POLDIP3: variants seen among roughly 807,000 people sequenced by gnomAD.
POLDIP3 encodes the protein DNA polymerase delta interacting protein 3.
Under a neutral mutation model 45.1 loss-of-function variants are expected in POLDIP3, and 14 were observed. The ratio of observed to expected loss-of-function variants is 0.31; its 90% CI spans 0.20 to 0.49. POLDIP3 has a LOEUF of 0.49. Ranked by LOEUF, POLDIP3 falls within the 20% of genes least tolerant of loss-of-function variation. The pLI, the probability that POLDIP3 is intolerant of heterozygous loss-of-function variation, is 0.99. For missense variants in POLDIP3, 511 were observed against 538.8 expected, an observed-to-expected ratio of 0.95 and a Z score of 0.51; for synonymous variants, 223 against 205.2, an observed-to-expected ratio of 1.09 and a Z score of -0.74.
At chr22:42,590,432 C>T (rs1925591564) in intron 7 of POLDIP3, among the ~76,000 whole-genome samples, 1 of 152,214 alleles carries the variant, frequency 6.6e-6, no homozygotes, top group African/African-American at 2.4e-5. Flanking sequence ...GATCCTCCTG[C>T]CTCAGCCTCC....
At chr22:42,597,693 T>C (rs1358035384) in intron 4 of POLDIP3, 1 of 470,404 alleles carries the variant, frequency 2.1e-6, no homozygotes, top group Admixed American at 2.4e-5. Context: ...GATAGTTCCC[T>C]TGATAGCAGA....
chr22:42,594,038 G>A (rs1569297582), intron 6 of POLDIP3, among the ~76,000 whole-genome samples: 1 of 152,170 alleles, frequency 6.6e-6, no homozygotes, highest in Non-Finnish European at 1.5e-5. Context: ...AAGACAGGCA[G>A]ATCATGAGGT....
At position 42,596,317 on chromosome 22, in the gene POLDIP3, T is replaced by C. The variant is rs1348554197; in HGVS notation, c.682A>G (p.Thr228Ala). 7.4e-6 allele frequency: 12 copies of C among 1,613,854 alleles called. No homozygotes were observed. Among genetic ancestry groups the C allele is most frequent in the Non-Finnish European group, 1.0e-5 (12 of 1,179,960 alleles). ...KLSMSKALPL[T>A]KVVQNDAYTA... ...TATGCATCATTCTGAACCACTTTGG[T>C]GAGAGGGAGGGCCTTGGACATGGAA... The change falls in exon 5 of 9, where the codon ACC becomes GCC. Residue 228 changes from threonine to alanine, a missense_variant. This residue lies in a region of POLDIP3 where 378 missense variants were observed against 352.3 expected (regional missense o/e 1.07). Coordinates refer to ENST00000252115, the MANE Select transcript of POLDIP3 (RefSeq NM_032311.5).
intron 1 of POLDIP3, among the ~76,000 whole-genome samples, chr22:42,614,021 C>CCCT (rs1927295671): frequency 6.6e-6 from 1 of 152,176 alleles, no homozygotes; most frequent in African/African-American, 2.4e-5. Context: ...TCAGCCAGCT[C>CCCT]AAGCACTTTC....
chr22:42,600,072 T>C (rs563119038), intron 3 of POLDIP3, among the ~76,000 whole-genome samples: 12 of 152,338 alleles, frequency 7.9e-5, no homozygotes, highest in Non-Finnish European at 1.6e-4. Flanking sequence ...AATGTTTCTT[T>C]ATATCCTTTG....
In POLDIP3 at chr22:42,592,837, T is replaced by C. The variant is rs1343114107; in HGVS notation, c.892-753A>G. Among the ~76,000 whole-genome samples the C allele has an allele frequency of 4.9e-4, 75 of 152,270 alleles. 1 individual carries two copies. The highest frequency in any genetic ancestry group is 2.9e-5 in the Non-Finnish European group (2 of 68,030). Reference sequence around the variant, plus strand: ...GACTAAGGCCAGAGAGGGAGCAAAATGTGAAGATGGACAGAGGCTGACTAG... The same window carrying C: ...GACTAAGGCCAGAGAGGGAGCAAAACGTGAAGATGGACAGAGGCTGACTAG... On this transcript the variant is annotated intron_variant, in intron 6 of 8. Transcript: ENST00000252115.
chr22:42,588,395 C>T (rs1378223811), intron 7 of POLDIP3, among the ~76,000 whole-genome samples: 2 of 146,868 alleles, frequency 1.4e-5, no homozygotes, highest in Non-Finnish European at 3.0e-5. Context: ...GTAGAGCTTG[C>T]AGTGAGCAGA....
In POLDIP3 at chr22:42,605,862, C is replaced by T. The variant is rs531904781; in HGVS notation, c.60-2702G>A. Among the ~76,000 whole-genome samples, 7 of 152,286 alleles carry T rather than the reference C, an allele frequency of 4.6e-5. No individual in the cohort carries two copies. In the East Asian group the frequency reaches 1.3e-3, roughly 29 times the overall value. ...GTGACCTCAGAAACTTGCAGCTAGG[C>T]CAGGCACAGTGACTCACACCTGTAA... On this transcript the variant is annotated intron_variant, in intron 1 of 8. Transcript: ENST00000252115.
chr22:42,607,081 A>G (rs1926775495), intron 1 of POLDIP3, among the ~76,000 whole-genome samples: 1 of 152,210 alleles, frequency 6.6e-6, no homozygotes, highest in Non-Finnish European at 1.5e-5. Flanking sequence ...CCTGGGCAAC[A>G]TGGCAAAACC....
intron 3 of POLDIP3, among the ~76,000 whole-genome samples, chr22:42,601,119 G>C (rs1926339598): frequency 6.6e-6 from 1 of 152,128 alleles, no homozygotes; most frequent in East Asian, 1.9e-4. Context: ...GTACATGTAA[G>C]GAACTATGGC....
intron 5 of POLDIP3, among the ~76,000 whole-genome samples, 159 bp from the exon 6 acceptor site, chr22:42,595,773 C>A (rs528029735): frequency 7.9e-5 from 12 of 152,174 alleles, no homozygotes; most frequent in Non-Finnish European, 1.8e-4. Context: ...CTACACCCCC[C>A]ATCACTCTAT....
intron 2 of POLDIP3, 78 bp downstream of exon 2, chr22:42,602,692 G>C: frequency 6.7e-7 from 1 of 1,483,158 alleles, no homozygotes; most frequent in Non-Finnish European, 9.0e-7. Flanking sequence ...TTTTTGCCCA[G>C]TCACTCCTGG....
chr22:42,614,287 A>C (rs536376304), intron 1 of POLDIP3, among the ~76,000 whole-genome samples: 2 of 152,362 alleles, frequency 1.3e-5, no homozygotes, highest in African/African-American at 4.8e-5. Flanking sequence ...AGAAAACTTA[A>C]AACGCCGCAC....
chr22:42,586,500 G>T (rs1337316850), intron 8 of POLDIP3, among the ~76,000 whole-genome samples: 1 of 152,094 alleles, frequency 6.6e-6, no homozygotes, highest in Non-Finnish European at 1.5e-5. Flanking sequence ...GCTAATTGTG[G>T]TTTTAAGTTT....
intron 6 of POLDIP3, among the ~76,000 whole-genome samples, chr22:42,592,650 C>A (rs1925741329): frequency 1.3e-5 from 2 of 152,198 alleles, no homozygotes; most frequent in South Asian, 4.1e-4. Flanking sequence ...TATGAGACGT[C>A]TAGCAAATTA....
intron 8 of POLDIP3, 151 bp from the exon 9 acceptor site, chr22:42,586,119 A>C (rs752989579): frequency 2.8e-4 from 197 of 712,892 alleles, no homozygotes; most frequent in Non-Finnish European, 3.9e-4. Context: ...CAGCAAACTC[A>C]ATCACAGCTC....
In POLDIP3 at chr22:42,592,035, G is replaced by C. The variant is rs1416818706; in HGVS notation, c.941C>G (p.Pro314Arg). Residue 314 changes from proline to arginine, a missense_variant, in exon 7 of 9, where the codon CCT becomes CGT. By Grantham distance (103) the Pro-to-Arg change is moderately radical. This residue lies in a region of POLDIP3 where 66 missense variants were observed against 118.1 expected (regional missense o/e 0.56). Coordinates refer to ENST00000252115, the MANE Select transcript of POLDIP3 (RefSeq NM_032311.5). The part of the protein sequence containing the change: ...GALKRARLVH[P>R]GVAEVVFVKK... ...CACAAACACCACCTCCGCTACCCCA[G>C]GATGGACCAGTCGAGCTCGCTTGAG... The C allele has an allele frequency of 6.2e-7, 1 of 1,614,224 alleles. No individual in the cohort carries two copies. Among genetic ancestry groups the C allele is most frequent in the Non-Finnish European group, 8.5e-7 (1 of 1,180,032 alleles).
At chr22:42,604,166 C>T (rs938674562) in intron 1 of POLDIP3, among the ~76,000 whole-genome samples, 7 of 152,180 alleles carry the variant, frequency 4.6e-5, no homozygotes, top group African/African-American at 1.4e-4. Context: ...GCTCTGCCTG[C>T]GGACTCCTAT....
At chr22:42,595,825 C>G (rs533689440) in intron 5 of POLDIP3, among the ~76,000 whole-genome samples, 3 of 152,282 alleles carry the variant, frequency 2.0e-5, no homozygotes, top group Non-Finnish European at 4.4e-5. Flanking sequence ...AATACGCAAG[C>G]CTCTCAGGCC....
Sources: allele counts gnomAD v4.1 joint callset (sites outside exome capture counted in the v4.1 genomes callset), GRCh38; gene constraint gnomAD v4.1.1; regional missense constraint gnomAD v4.1.1; transcripts MANE v1.5; gene names NCBI Gene and HGNC (gene_info 2026-07-23, HGNC 2026-07-21).